The following ALK variants were observed in gnomAD, a reference collection of about 807,000 sequenced individuals.
ALK encodes the protein ALK tyrosine kinase receptor.
A neutral mutation model predicts 163.1 loss-of-function variants in ALK; 74 were observed. That is an observed-to-expected ratio of 0.45 (90% CI 0.38 to 0.55). ALK has a LOEUF of 0.55. ALK is among the 20% of genes least tolerant of loss of function. ALK has a pLI of 0.00. For missense variants in ALK, 2,063 were observed against 2,105.3 expected, an observed-to-expected ratio of 0.98 and a Z score of 0.39; for synonymous variants, 960 against 843.2, an observed-to-expected ratio of 1.14 and a Z score of -2.40.
At chr2:29,336,225 TC>T in intron 5 of ALK, among the ~76,000 whole-genome samples, 1 of 152,340 alleles carries the variant, frequency 6.6e-6, no homozygotes, top group East Asian at 1.9e-4. Context: ...GAAGGTCCCT[TC>T]CTTCTCTGAT....
intron 1 of ALK, among the ~76,000 whole-genome samples, chr2:29,774,134 T>G (rs776179042): frequency 1.3e-5 from 2 of 152,188 alleles, no homozygotes; most frequent in Non-Finnish European, 2.9e-5. Flanking sequence ...CTATCTTTGG[T>G]GCTATTTACA....
intron 3 of ALK, among the ~76,000 whole-genome samples, chr2:29,669,682 T>C (rs1271088358): frequency 6.6e-6 from 1 of 152,088 alleles, no homozygotes; most frequent in Admixed American, 6.6e-5. Context: ...TTTCTTACCA[T>C]TTCCCTTTGT....
At chr2:29,423,710 A>T (rs1670072672) in intron 4 of ALK, among the ~76,000 whole-genome samples, 2 of 152,240 alleles carry the variant, frequency 1.3e-5, no homozygotes, top group South Asian at 4.1e-4. Flanking sequence ...AGACAGAAAA[A>T]TTAAGAAGGG....
chr2:29,432,581 T>G (rs1354483046), intron 4 of ALK, among the ~76,000 whole-genome samples: 1 of 152,220 alleles, frequency 6.6e-6, no homozygotes, highest in African/African-American at 2.4e-5. Flanking sequence ...ATTTATTTAA[T>G]GATTAAACTT....
intron 27 of ALK, among the ~76,000 whole-genome samples, chr2:29,197,074 C>T (rs1414000683): frequency 4.6e-5 from 7 of 152,144 alleles, no homozygotes; most frequent in Admixed American, 6.5e-5. Flanking sequence ...ATGTTAACCA[C>T]GGCTGCTGTC....
chr2:29,843,304 G>A (rs920563877), intron 1 of ALK, among the ~76,000 whole-genome samples: 11 of 151,928 alleles, frequency 7.2e-5, no homozygotes, highest in Non-Finnish European at 1.2e-4. Flanking sequence ...TCCCACATAC[G>A]GGGCACACAT....
intron 4 of ALK, among the ~76,000 whole-genome samples, chr2:29,405,027 T>C (rs1170183711): frequency 2.0e-5 from 3 of 152,162 alleles, no homozygotes; most frequent in Non-Finnish European, 2.9e-5. Flanking sequence ...GAGAGAAAAG[T>C]AGTTCAAGTT....
chr2:29,295,830 G>T (rs1236092662), intron 9 of ALK, among the ~76,000 whole-genome samples: 4 of 152,118 alleles, frequency 2.6e-5, no homozygotes, highest in African/African-American at 7.2e-5. Context: ...GGCTGCTGTG[G>T]GTTGTAAGGG....
intron 1 of ALK, among the ~76,000 whole-genome samples, chr2:29,814,064 C>T (rs1224333903): frequency 6.6e-6 from 1 of 152,172 alleles, no homozygotes; most frequent in East Asian, 1.9e-4. Flanking sequence ...GGCTGACCTC[C>T]CCTGGGGTGC....
chr2:29,501,273 C>T (rs938449781), intron 4 of ALK, among the ~76,000 whole-genome samples: 2 of 152,200 alleles, frequency 1.3e-5, no homozygotes, highest in African/African-American at 4.8e-5. Context: ...ATGTCTTATT[C>T]CTCATTTACT....
chr2:29,312,486 C>T (rs1666722236), intron 8 of ALK, among the ~76,000 whole-genome samples: 1 of 152,110 alleles, frequency 6.6e-6, no homozygotes, highest in African/African-American at 2.4e-5. Flanking sequence ...TTGCACTGGC[C>T]CCACATGGCC....
chr2:29,340,434 A>G (rs768740848), intron 5 of ALK, among the ~76,000 whole-genome samples: 46 of 152,190 alleles, frequency 3.0e-4, no homozygotes, highest in Non-Finnish European at 5.6e-4. Context: ...GACACCTCCA[A>G]TGAAGGGAGC....
intron 4 of ALK, among the ~76,000 whole-genome samples, chr2:29,458,034 G>GA (rs1671001360): frequency 6.6e-6 from 1 of 151,918 alleles, no homozygotes; most frequent in African/African-American, 2.4e-5. Context: ...TAGCTTATAG[G>GA]AAAAAAAGAC....
At chr2:29,274,367 T>C (rs1665472677) in intron 11 of ALK, among the ~76,000 whole-genome samples, 1 of 152,224 alleles carries the variant, frequency 6.6e-6, no homozygotes. Context: ...TACACTTGTT[T>C]CTCCAGGCTA....
intron 1 of ALK, among the ~76,000 whole-genome samples, chr2:29,884,223 A>G (rs1666935307): frequency 6.6e-6 from 1 of 152,264 alleles, no homozygotes; most frequent in Admixed American, 6.5e-5. Flanking sequence ...ATATCATAGT[A>G]AAATGTGATC....
Position 29,532,089 on chromosome 2 carries a change from G to T in ALK, c.980C>A (p.Ala327Asp), listed in dbSNP as rs1414553731. 1.9e-6 allele frequency: 3 copies of T among 1,613,972 alleles called. No individual in the cohort carries two copies. Among genetic ancestry groups the T allele is most frequent in the African/African-American group, 2.7e-5 (2 of 74,906 alleles). ...RGSFLLLNTS[A>D]DSKHTILSPW... ...ACTCAGGATGGTGTGCTTGGAGTCA[G>T]CTGAGGTGTTGAGAAGGAGAAAGGA... Residue 327 changes from alanine (A) to aspartate (D), a missense_variant, in exon 4 of 29, where the codon GCT becomes GAT. Transcript: ENST00000389048.
chr2:29,622,788 G>A (rs1400123866), intron 3 of ALK, among the ~76,000 whole-genome samples: 5 of 151,982 alleles, frequency 3.3e-5, no homozygotes, highest in Admixed American at 1.3e-4. Context: ...TTTTCTACCT[G>A]GTTAACTACC....
At chr2:29,290,345 T>A (rs1665988490) in intron 9 of ALK, among the ~76,000 whole-genome samples, 1 of 152,044 alleles carries the variant, frequency 6.6e-6, no homozygotes, top group African/African-American at 2.4e-5. Context: ...GATGGGGAGA[T>A]GTGGGCAGAG....
intron 3 of ALK, among the ~76,000 whole-genome samples, chr2:29,603,848 T>G (rs1252522496): frequency 1.3e-5 from 2 of 152,168 alleles, no homozygotes; most frequent in Non-Finnish European, 2.9e-5. Context: ...TTCTATCCAC[T>G]CTTTCCTGGC....
Sources: allele counts gnomAD v4.1 joint callset (sites outside exome capture counted in the v4.1 genomes callset), GRCh38; gene constraint gnomAD v4.1.1; transcripts MANE v1.5; gene names NCBI Gene and HGNC (gene_info 2026-07-23, HGNC 2026-07-21).